The following HSF5 variants were observed in gnomAD, a reference collection of about 807,000 sequenced individuals.
The protein encoded by HSF5 is heat shock transcription factor 5.
Under a neutral mutation model 50.8 loss-of-function variants are expected in HSF5, and 5 were observed. The observed-to-expected ratio is 0.10, with a 90% CI of 0.05 to 0.21. The LOEUF (loss-of-function observed/expected upper bound fraction) is 0.21, where lower values mean the gene tolerates loss of function less well. Among genes scored for constraint, HSF5 ranks in the 10% least tolerant of loss-of-function variants. The pLI, the probability that HSF5 is intolerant of heterozygous loss-of-function variation, is 1.00. For missense variants in HSF5, 564 were observed against 762.6 expected, an observed-to-expected ratio of 0.74 and a Z score of 3.07; for synonymous variants, 307 against 307.4, an observed-to-expected ratio of 1.00 and a Z score of 0.02.
At chr17:58,487,665 G>T in intron 1 of HSF5, 60 bp downstream of exon 1, 1 of 1,353,722 alleles carries the variant, frequency 7.4e-7, no homozygotes, top group South Asian at 2.2e-5. Context: ...CTCCAGCGGC[G>T]GTTGCTCCCC....
At chr17:58,445,482 G>T (rs1424425003) in intron 5 of HSF5, among the ~76,000 whole-genome samples, 2 of 152,108 alleles carry the variant, frequency 1.3e-5, no homozygotes, top group Non-Finnish European at 2.9e-5. Context: ...AATAGTCAAG[G>T]GATGGAAGCA....
intron 2 of HSF5, 141 bp downstream of exon 2, chr17:58,479,752 A>G (rs924706152): frequency 1.4e-6 from 1 of 718,402 alleles, no homozygotes; most frequent in Middle Eastern, 3.9e-4. Flanking sequence ...ATCTCCTGCT[A>G]AGAAATCTTT....
chr17:58,429,628 C>T (rs1009903701), intron 5 of HSF5, among the ~76,000 whole-genome samples: 6 of 152,094 alleles, frequency 3.9e-5, no homozygotes, highest in African/African-American at 1.4e-4. Flanking sequence ...GGATGGATCA[C>T]CTGAGGTCAG....
chr17:58,476,257 TCTC>T, intron 2 of HSF5: 3 of 940,002 alleles, frequency 3.2e-6, no homozygotes, highest in Non-Finnish European at 5.1e-6. Flanking sequence ...ATCATCTTCT[TCTC>T]CTTCTTCATC....
At chr17:58,454,004 G>T (rs990246977) in intron 5 of HSF5, among the ~76,000 whole-genome samples, 1 of 152,104 alleles carries the variant, frequency 6.6e-6, no homozygotes, top group African/African-American at 2.4e-5. Context: ...TGAGGCAGGG[G>T]AATCACTTGA....
rs1975075253 is a variant in HSF5, at chr17:58,479,990, T to C, written c.828A>G (p.Val276=). The C allele has an allele frequency of 1.2e-6, 2 of 1,614,042 alleles. No individual in the cohort carries two copies. Among genetic ancestry groups the C allele is most frequent in the African/African-American group, 2.7e-5 (2 of 74,914 alleles). ...TTGTTTGAGGACCTTGTTGAACATG[T>C]ACAGATGTGGTGCTGGGCTGCAGTG... ...TYTLQPSTTS[V]HVQQGPQTMV... is the part of the protein sequence containing the mutation. Residue 276 remains valine, a synonymous_variant, in exon 2 of 6, where the codon GTA becomes GTG. Transcript: ENST00000323777.
At chr17:58,438,233 C>T (rs773423731) in intron 5 of HSF5, among the ~76,000 whole-genome samples, 5 of 152,036 alleles carry the variant, frequency 3.3e-5, no homozygotes, top group Non-Finnish European at 7.4e-5. Flanking sequence ...ACACAAATAC[C>T]ACTGTATTAC....
At chr17:58,487,434 G>A (rs73321634) in intron 1 of HSF5, among the ~76,000 whole-genome samples, 16 of 152,346 alleles carry the variant, frequency 1.1e-4, no homozygotes, top group Non-Finnish European at 1.5e-4. Context: ...AACCGGGGAC[G>A]AGTAGAAGGG....
chr17:58,445,985 A>G (rs1974556203), intron 5 of HSF5, among the ~76,000 whole-genome samples: 1 of 152,056 alleles, frequency 6.6e-6, no homozygotes, highest in African/African-American at 2.4e-5. Context: ...AAAATACAAA[A>G]AAATTAGCCA....
rs1446234752 is a variant in HSF5, at chr17:58,420,440, T to G, written c.*1920A>C. 2.0e-5 allele frequency: 3 copies of G among 152,212 alleles called. No homozygotes were observed. The highest frequency in any genetic ancestry group is 4.4e-5 in the Non-Finnish European group (3 of 68,036). The allele number at this position is 152,212 out of a possible 1,614,324, so 9.4% of individuals were successfully genotyped here. ...TATATAAAAATGTTTGGAAAGCTGA[T>G]TAAGGCATTTCATTAATTAAGCCTT... On this transcript the variant is annotated 3_prime_UTR_variant, in exon 6 of 6. Transcript: ENST00000323777.
intron 2 of HSF5, chr17:58,476,640 T>A (rs1246706901): frequency 7.1e-6 from 11 of 1,552,090 alleles, no homozygotes; most frequent in African/African-American, 1.4e-5. Flanking sequence ...AATAATGCAG[T>A]GCCTCTTCGT....
At position 58,480,200 on chromosome 17, in the gene HSF5, T is replaced by C. The variant is rs1015493846; in HGVS notation, c.618A>G (p.Val206=). 3.7e-6 allele frequency: 6 copies of C among 1,613,962 alleles called. No homozygotes were observed. The highest frequency in any genetic ancestry group is 3.3e-5 in the Admixed American group (2 of 60,008). Residue 206 remains valine, a synonymous_variant, in exon 2 of 6, where the codon GTA becomes GTG. Transcript: ENST00000323777. The part of the protein sequence containing the change: ...RRDSLSPYSC[V]STPSHDHSTY... Reference sequence around the variant, plus strand: ...TACTGTGGTCGTGGGATGGAGTTGATACACAGGAGTAAGGAGACAAACTAT... The same window carrying C: ...TACTGTGGTCGTGGGATGGAGTTGACACACAGGAGTAAGGAGACAAACTAT...
Position 58,463,059 on chromosome 17 carries a change from G to C in HSF5, c.1265C>G (p.Ser422Cys), listed in dbSNP as rs576292303. 2 of 1,613,294 alleles carry C rather than the reference G, an allele frequency of 1.2e-6. No individual in the cohort carries two copies. The highest frequency in any genetic ancestry group is 3.3e-5 in the Admixed American group (2 of 60,008). ...LANSNNSNPCSASQASQLEPL... is the reference protein window; with the variant it reads ...LANSNNSNPCCASQASQLEPL... ...CTCCAGCTGGCTAGCCTGACTTGCA[G>C]AACATGGATTGCTGTTGTTAGAATT... The change falls in exon 4 of 6, where the codon TCT (serine) becomes TGT (cysteine). Residue 422 changes from serine (S) to cysteine (C), a missense_variant. Coordinates refer to ENST00000323777, the MANE Select transcript of HSF5 (RefSeq NM_001080439.3).
At chr17:58,482,850 G>A (rs1269148796) in intron 1 of HSF5, among the ~76,000 whole-genome samples, 1 of 151,068 alleles carries the variant, frequency 6.6e-6, no homozygotes, top group Non-Finnish European at 1.5e-5. Flanking sequence ...TGAGATGGGA[G>A]GATGACTTGA....
chr17:58,466,497 A>T (rs1159358000), intron 3 of HSF5, among the ~76,000 whole-genome samples: 1 of 152,256 alleles, frequency 6.6e-6, no homozygotes, highest in Non-Finnish European at 1.5e-5. Flanking sequence ...ATATGAAACT[A>T]CTGAGCACTC....
intron 4 of HSF5, among the ~76,000 whole-genome samples, chr17:58,460,595 C>T (rs1453797484): frequency 6.6e-6 from 1 of 151,546 alleles, no homozygotes; most frequent in Non-Finnish European, 1.5e-5. Context: ...CCACAAGCTC[C>T]ACCTCCTGGG....
intron 3 of HSF5, among the ~76,000 whole-genome samples, chr17:58,465,133 T>TCTCCCTCC (rs966989831): frequency 7.0e-6 from 1 of 142,264 alleles, no homozygotes; most frequent in African/African-American, 2.6e-5. Context: ...ACCCTTTCTC[T>TCTCCCTCC]CTCCCTCCCT....
At chr17:58,459,034 G>T (rs2143775101) in intron 4 of HSF5, 89 bp from the exon 5 acceptor site, 14 of 1,150,188 alleles carry the variant, frequency 1.2e-5, no homozygotes, top group Middle Eastern at 2.0e-4. Context: ...TCTATTATGG[G>T]AACATGATCC....
rs906130947 is a variant in HSF5 at position 58,421,029 on chromosome 17, A to C, written c.*1331T>G. On this transcript the variant is annotated 3_prime_UTR_variant, in exon 6 of 6. Transcript: ENST00000323777. The stretch of plus-strand genomic sequence containing the variant: ...TCCTAGGCTTTCCTTTCGTTTCTGC[A>C]GTGCTTAATAGGAGAACTGAAACAG... The C allele has an allele frequency of 6.6e-6, 1 of 152,646 alleles. No individual in the cohort carries two copies. The highest frequency in any genetic ancestry group is 1.5e-5 in the Non-Finnish European group (1 of 68,040). 9.5% of individuals were successfully genotyped at this position (152,646 alleles called of 1,614,324 possible). A position where few individuals can be genotyped will look rare whatever the true frequency, so the allele number is the denominator to read the frequency against.
Sources: gnomAD v4.1 joint callset for allele counts (sites outside exome capture counted in the v4.1 genomes callset) on GRCh38, gnomAD v4.1.1 for gene constraint, MANE v1.5 for transcripts, NCBI Gene and HGNC (gene_info 2026-07-23, HGNC 2026-07-21) for gene names.